The following TAF4 variants were observed in gnomAD, a reference collection of about 807,000 sequenced individuals.
The protein encoded by TAF4 is TATA-box binding protein associated factor 4.
TAF4 carries 9 observed loss-of-function variants against 90.3 expected under a neutral mutation model. The observed-to-expected ratio is 0.10, with a 90% CI of 0.06 to 0.17. TAF4 has a LOEUF of 0.17. Ranked by LOEUF, TAF4 falls within the 10% of genes least tolerant of loss-of-function variation. TAF4 has a pLI of 1.00. For missense variants in TAF4, 1,351 were observed against 1,370.7 expected (o/e 0.99, Z 0.23); for synonymous variants, 818 against 638.9 (o/e 1.28, Z -4.23).
intron 5 of TAF4, 45 bp from the exon 6 acceptor site, chr20:62,007,681 A>T (rs1438670015): frequency 6.5e-7 from 1 of 1,537,054 alleles, no homozygotes; most frequent in Non-Finnish European, 8.9e-7. Flanking sequence ...ATGAGATTCC[A>T]CACACACTTC....
At chr20:62,046,011 A>C (rs1289567107) in intron 1 of TAF4, among the ~76,000 whole-genome samples, 2 of 152,250 alleles carry the variant, frequency 1.3e-5, no homozygotes, top group Non-Finnish European at 2.9e-5. Context: ...ATCAGATTTA[A>C]GAGGCAGTTA....
rs569386507 is a variant in TAF4, at chr20:61,984,150, T to C, written c.3091-7815A>G. Among the ~76,000 whole-genome samples, 11 of 152,262 alleles carry C rather than the reference T, an allele frequency of 7.2e-5. No individual in the cohort carries two copies. The South Asian group carries it at 2.1e-3, about 29-fold the overall frequency. ...CCGGAAGACTGAGCGACCTCATCAC[T>C]GAGGAGCGGCTCGGGGATGTCCACC... On this transcript the variant is annotated intron_variant, in intron 14 of 14. Transcript: ENST00000252996.
rs1034414480 is a variant in TAF4, at chr20:61,975,867, A to G, written c.*301T>C. On this transcript the variant is annotated 3_prime_UTR_variant, in exon 15 of 15. Coordinates refer to ENST00000252996, the MANE Select transcript of TAF4 (RefSeq NM_003185.4). ...AATGCAGAAACTGCTATGAGTTGACAGAGGGCAGCTAATTATTTGCTAACG... is the reference window on the plus strand; with the variant it reads ...AATGCAGAAACTGCTATGAGTTGACGGAGGGCAGCTAATTATTTGCTAACG... The G allele has an allele frequency of 1.9e-5, 7 of 364,688 alleles. No individual in the cohort carries two copies. The highest frequency in any genetic ancestry group is 1.4e-4 in the African/African-American group (7 of 49,560). 22.6% of individuals were successfully genotyped at this position (364,688 alleles called of 1,614,324 possible).
At chr20:62,004,764 C>G (rs893476947) in intron 7 of TAF4, 1 of 152,408 alleles carries the variant, frequency 6.6e-6, no homozygotes, top group Non-Finnish European at 1.5e-5. Context: ...CCGCCCAGCC[C>G]CTGCTGGGCC....
intron 1 of TAF4, among the ~76,000 whole-genome samples, chr20:62,036,472 A>G (rs1193440215): frequency 2.6e-5 from 4 of 152,246 alleles, no homozygotes; most frequent in Admixed American, 2.6e-4. Context: ...GAACTGTTGC[A>G]ACTAACATTA....
intron 1 of TAF4, among the ~76,000 whole-genome samples, chr20:62,062,124 G>A (rs753635943): frequency 3.3e-5 from 5 of 152,130 alleles, no homozygotes; most frequent in African/African-American, 7.2e-5. Flanking sequence ...TAATACTCCC[G>A]GCTCCTCCTC....
chr20:62,009,548 G>A (rs1286922501), intron 4 of TAF4, among the ~76,000 whole-genome samples: 1 of 152,238 alleles, frequency 6.6e-6, no homozygotes, highest in Non-Finnish European at 1.5e-5. Flanking sequence ...CTAAAGCAAC[G>A]AAAAGTACGC....
intron 1 of TAF4, among the ~76,000 whole-genome samples, chr20:62,034,451 G>GTAGC (rs909854311): frequency 4.1e-4 from 62 of 152,176 alleles, no homozygotes; most frequent in African/African-American, 1.5e-3. Context: ...AACCTCCTGA[G>GTAGC]TAGCTGGGAC....
chr20:61,982,103 C>A (rs1304666110), intron 14 of TAF4, among the ~76,000 whole-genome samples: 2 of 110,934 alleles, frequency 1.8e-5, no homozygotes, highest in African/African-American at 6.7e-5. Context: ...CCACACAACA[C>A]ACACCCACCG....
rs781778446 is a variant in TAF4, at chr20:62,064,748, G to A, written c.1063C>T (p.Pro355Ser). Residue 355 changes from proline to serine, a missense_variant, in exon 1 of 15, where the codon CCC becomes TCC. This residue lies in a region of TAF4 where 782 missense variants were observed against 536.6 expected (regional missense o/e 1.46). Coordinates refer to ENST00000252996, the MANE Select transcript of TAF4 (RefSeq NM_003185.4). Reference sequence around the variant, plus strand: ...GCCGCCAGGGTCTGCGCCGCCGGGGGCGCCGCCTGCACCACCCTCTTGGGC... The same window carrying A: ...GCCGCCAGGGTCTGCGCCGCCGGGGACGCCGCCTGCACCACCCTCTTGGGC... ...ESPKRVVQAA[P>S]PAAQTLAASG... 1.2e-5 allele frequency: 14 copies of A among 1,168,828 alleles called. No individual in the cohort carries two copies. Among genetic ancestry groups the A allele is most frequent in the East Asian group, 8.4e-5 (2 of 23,740 alleles). The allele number at this position is 1,168,828 out of a possible 1,614,324, so 72.4% of individuals were successfully genotyped here. A position where few individuals can be genotyped will look rare whatever the true frequency, so the allele number is the denominator to read the frequency against.
At chr20:62,064,301 G>A (rs1332227635) in intron 1 of TAF4, 150 bp downstream of exon 1, 3 of 928,070 alleles carry the variant, frequency 3.2e-6, no homozygotes, top group African/African-American at 3.4e-5. Context: ...GGCTGGCCCC[G>A]CACCTGGGTA....
chr20:61,983,459 A>C (rs2055563036), intron 14 of TAF4, among the ~76,000 whole-genome samples: 1 of 152,152 alleles, frequency 6.6e-6, no homozygotes, highest in African/African-American at 2.4e-5. Context: ...CTGGGAGTTT[A>C]AGACCAGCCT....
intron 14 of TAF4, among the ~76,000 whole-genome samples, chr20:61,982,168 C>T (rs1238745177): frequency 1.1e-3 from 33 of 28,760 alleles, no homozygotes; most frequent in Middle Eastern, 0.016. Context: ...ACTCACACCC[C>T]ACCCGAGAGG....
In TAF4 at chr20:61,995,581, G is replaced by GAAGTATT. The variant is rs150463354; in HGVS notation, c.3090+1968_3090+1969insAATACTT. ...AAGATTGAAATGGAAAAAAAAATTT[G>GAAGTATT]AGCCGGGCGCGGTGGCTCACGCCTG... On this transcript the variant is annotated intron_variant, in intron 14 of 14. Coordinates refer to ENST00000252996, the MANE Select transcript of TAF4 (RefSeq NM_003185.4). Among the ~76,000 whole-genome samples, 15 of 80,518 alleles carry GAAGTATT rather than the reference G, an allele frequency of 1.9e-4. 1 individual carries two copies. Among genetic ancestry groups the GAAGTATT allele is most frequent in the African/African-American group, 8.3e-4 (14 of 16,950 alleles). The allele number at this position is 80,518 out of a possible 152,430, so 52.8% of individuals were successfully genotyped here.
chr20:62,064,458 C>A lies in TAF4; in HGVS notation c.1353G>T (p.Leu451=), dbSNP rs1231658996. The change falls in exon 1 of 15, where the codon CTG becomes CTT. Residue 451 remains leucine (L), a synonymous_variant. Transcript: ENST00000252996. ...CCCCGTGCGGCCACTCACCTGGGGG[C>A]AGCTGGAAGTTCTGGATGTTGGTCG... ...QNPTNIQNFQ[L]PPGMVLVRSE... is the part of the protein sequence containing the mutation. The A allele has an allele frequency of 3.5e-6, 5 of 1,444,068 alleles. No homozygotes were observed. The highest frequency in any genetic ancestry group is 2.8e-5 in the East Asian group (1 of 36,170). 89.5% of individuals were successfully genotyped at this position (1,444,068 alleles called of 1,614,324 possible).
chr20:62,005,831 A>G (rs550862417), intron 7 of TAF4: 19 of 152,280 alleles, frequency 1.2e-4, no homozygotes, highest in African/African-American at 3.1e-4. Flanking sequence ...GGGAGCCCGC[A>G]CCATTTTGTT....
intron 14 of TAF4, 40 bp downstream of exon 14, chr20:61,997,510 A>AT (rs1442643049): frequency 2.0e-6 from 3 of 1,514,788 alleles, no homozygotes; most frequent in Non-Finnish European, 2.7e-6. Context: ...GATGTTCCCC[A>AT]TGTTTCCCCC....
chr20:62,011,636 C>T (rs1413201479), intron 3 of TAF4, among the ~76,000 whole-genome samples: 1 of 152,214 alleles, frequency 6.6e-6, no homozygotes, highest in Non-Finnish European at 1.5e-5. Flanking sequence ...CAGGACATGA[C>T]CCAGTGAGGG....
chr20:62,064,661 G>A lies in TAF4; in HGVS notation c.1150C>T (p.Pro384Ser). 1 of 1,302,534 alleles carries A rather than the reference G, an allele frequency of 7.7e-7. No homozygotes were observed. Among genetic ancestry groups the A allele is most frequent in the Non-Finnish European group, 9.7e-7 (1 of 1,031,988 alleles). The allele number at this position is 1,302,534 out of a possible 1,614,324, so 80.7% of individuals were successfully genotyped here. The change falls in exon 1 of 15, where the codon CCC (proline) becomes TCC (serine). Residue 384 changes from proline (P) to serine (S), a missense_variant. Pro to Ser is a moderately conservative substitution (Grantham distance 74). Coordinates refer to ENST00000252996, the MANE Select transcript of TAF4 (RefSeq NM_003185.4). Reference sequence around the variant, plus strand: ...GGCGGCGGGACGGCGGCCGGGCTGGGCAGCGCCCCTTGCATAGTTGGCCCG... The same window carrying A: ...GGCGGCGGGACGGCGGCCGGGCTGGACAGCGCCCCTTGCATAGTTGGCCCG... ...VIGPTMQGAL[P>S]SPAAVPPPAP...
Sources: gnomAD v4.1 joint callset for allele counts (sites outside exome capture counted in the v4.1 genomes callset) on GRCh38, gnomAD v4.1.1 for gene constraint, gnomAD v4.1.1 regional missense constraint, MANE v1.5 for transcripts, NCBI Gene and HGNC (gene_info 2026-07-23, HGNC 2026-07-21) for gene names.